KANK1: variants seen among roughly 807,000 people sequenced by gnomAD.
The protein encoded by KANK1 is KN motif and ankyrin repeat domain-containing protein 1.
KANK1 carries 109 observed loss-of-function variants against 106.2 expected under a neutral mutation model. The observed-to-expected ratio is 1.03, with a 90% CI of 0.88 to 1.20. KANK1 has a LOEUF of 1.20. Ranked by LOEUF, KANK1 falls within the 50% of genes most tolerant of loss-of-function variation. The pLI is 0.00. For missense variants in KANK1, 2,399 were observed against 1,710.7 expected, an observed-to-expected ratio of 1.40 and a Z score of -7.10; for synonymous variants, 873 against 652.2, an observed-to-expected ratio of 1.34 and a Z score of -5.16.
At chr9:618,340 T>A (rs1268692945) in intron 1 of KANK1, among the ~76,000 whole-genome samples, 10 of 152,040 alleles carry the variant, frequency 6.6e-5, no homozygotes, top group African/African-American at 2.4e-4. Context: ...CCCGAGTAGC[T>A]GGGACTACAG....
At chr9:542,014 G>A (rs940105783) in intron 1 of KANK1, among the ~76,000 whole-genome samples, 5 of 151,660 alleles carry the variant, frequency 3.3e-5, no homozygotes, top group Non-Finnish European at 5.9e-5. Context: ...GCGTGAACCC[G>A]GGAGGCGGAG....
upstream of KANK1, among the ~76,000 whole-genome samples, chr9:503,190 T>C (rs996194488): frequency 2.6e-5 from 4 of 152,030 alleles, no homozygotes; most frequent in South Asian, 4.1e-4. Flanking sequence ...ATCTCATCCC[T>C]TATCACCATG....
chr9:599,928 A>G lies in KANK1; in HGVS notation c.-83-76962A>G, dbSNP rs1274489579. ...TAGTGTGGTGTTGGTGTTTTATAGT[A>G]TAAATAATGCAACAGTTAACAATTT... On this transcript the variant is annotated intron_variant, in intron 1 of 11. Transcript: ENST00000382297. 2.0e-5 allele frequency among the ~76,000 whole-genome samples: 3 copies of G among 151,788 alleles called. 1 individual carries two copies. Among genetic ancestry groups the G allele is most frequent in the African/African-American group, 7.3e-5 (3 of 41,070 alleles).
At chr9:734,967 G>A (rs1037790369) in intron 7 of KANK1, 132 bp downstream of exon 7, 5 of 670,436 alleles carry the variant, frequency 7.5e-6, no homozygotes, top group Non-Finnish European at 1.3e-5. Context: ...AGCATGAGTG[G>A]GCTGGGTAAA....
chr9:594,329 A>T (rs578110794), intron 1 of KANK1, among the ~76,000 whole-genome samples: 1 of 152,080 alleles, frequency 6.6e-6, no homozygotes, highest in African/African-American at 2.4e-5. Flanking sequence ...GAAAAGGCCA[A>T]CATGATTGAC....
At chr9:509,350 C>T (rs558694138) in intron 1 of KANK1, among the ~76,000 whole-genome samples, 18 of 152,330 alleles carry the variant, frequency 1.2e-4, no homozygotes, top group South Asian at 6.2e-4. Context: ...CCCACCTCGG[C>T]CTCCCAAAGT....
At chr9:597,669 A>G (rs535193917) in intron 1 of KANK1, among the ~76,000 whole-genome samples, 10 of 149,680 alleles carry the variant, frequency 6.7e-5, no homozygotes, top group Non-Finnish European at 1.3e-4. Context: ...TTTAATTTTT[A>G]TTTATTTTTT....
chr9:592,170 G>C lies in KANK1; in HGVS notation c.-83-84720G>C, dbSNP rs538223701. Among the ~76,000 whole-genome samples, 18 of 151,864 alleles carry C rather than the reference G, an allele frequency of 1.2e-4. No homozygotes were observed. The East Asian group carries it at 3.3e-3, about 28-fold the overall frequency. The stretch of plus-strand genomic sequence containing the variant: ...AGGTTTTGCAAAAGCTTCAAAAAAG[G>C]GTTTGGCTGAAGGCAGCCAAATTCT... On this transcript the variant is annotated intron_variant, in intron 1 of 11. Transcript: ENST00000382297.
chr9:482,166 T>C (rs1233552768), intron 3 of KANK1, among the ~76,000 whole-genome samples: 5 of 152,270 alleles, frequency 3.3e-5, no homozygotes, highest in South Asian at 2.1e-4. Flanking sequence ...CTGGTACATA[T>C]CCCAGCCTCA....
At chr9:686,228 G>A (rs1818522256) in intron 2 of KANK1, among the ~76,000 whole-genome samples, 1 of 152,106 alleles carries the variant, frequency 6.6e-6, no homozygotes, top group Admixed American at 6.6e-5. Flanking sequence ...CGGTGCAGCC[G>A]ATTTATTTAT....
intron 9 of KANK1, among the ~76,000 whole-genome samples, chr9:741,787 C>A (rs1228674812): frequency 6.6e-6 from 1 of 151,956 alleles, no homozygotes; most frequent in Non-Finnish European, 1.5e-5. Context: ...GCGCCAGCCC[C>A]TGGCTTTTTT....
chr9:635,702 T>C (rs1327483900), intron 1 of KANK1, among the ~76,000 whole-genome samples: 3 of 129,608 alleles, frequency 2.3e-5, no homozygotes, highest in Non-Finnish European at 5.3e-5. Context: ...TTCTTTTTTT[T>C]TTTTTTTTTT....
chr9:571,529 A>G (rs1219579132), intron 1 of KANK1, among the ~76,000 whole-genome samples: 3 of 152,168 alleles, frequency 2.0e-5, no homozygotes, highest in African/African-American at 7.2e-5. Context: ...TTTTCTTTGT[A>G]GTAGGCAAGG....
chr9:611,343 G>A (rs118011703), intron 1 of KANK1, among the ~76,000 whole-genome samples: 1 of 152,314 alleles, frequency 6.6e-6, no homozygotes, highest in Non-Finnish European at 1.5e-5. Flanking sequence ...AATTTCCAAT[G>A]TGTAAGCTTG....
intron 11 of KANK1, 166 bp downstream of exon 11, chr9:744,755 G>T (rs1156927956): frequency 4.6e-6 from 7 of 1,508,430 alleles, no homozygotes; most frequent in African/African-American, 2.8e-5. Context: ...CCCGCAAAAA[G>T]CAGGAGAACT....
chr9:740,144 C>G (rs761422781), intron 8 of KANK1, among the ~76,000 whole-genome samples: 1 of 152,010 alleles, frequency 6.6e-6, no homozygotes, highest in Admixed American at 6.6e-5. Context: ...TTTAAATGCC[C>G]GAAGGATAAT....
chr9:585,382 C>T (rs1000975031), intron 1 of KANK1, among the ~76,000 whole-genome samples: 1 of 152,158 alleles, frequency 6.6e-6, no homozygotes. Context: ...ATCTGGCTTC[C>T]TGAGACAGCT....
intron 1 of KANK1, among the ~76,000 whole-genome samples, chr9:612,910 A>G (rs1308486651): frequency 6.6e-6 from 1 of 152,216 alleles, no homozygotes; most frequent in Admixed American, 6.5e-5. Flanking sequence ...TATTTGCCAT[A>G]CATATGCCTA....
intron 1 of KANK1, among the ~76,000 whole-genome samples, chr9:601,735 G>A (rs1390222823): frequency 1.3e-5 from 2 of 151,804 alleles, no homozygotes; most frequent in Non-Finnish European, 2.9e-5. Context: ...GGCTGACTCT[G>A]ATGTCCTTTT....
Sources: gnomAD v4.1 joint callset for allele counts (sites outside exome capture counted in the v4.1 genomes callset) on GRCh38, gnomAD v4.1.1 for gene constraint, MANE v1.5 for transcripts, NCBI Gene and HGNC (gene_info 2026-07-23, HGNC 2026-07-21) for gene names.